The following TARBP1 variants were observed in gnomAD, a reference collection of about 807,000 sequenced individuals.
TARBP1 encodes the protein tRNA guanosine 2 -O-methyltransferase TARBP1.
TARBP1 carries 144 observed loss-of-function variants against 178.6 expected under a neutral mutation model. The ratio of observed to expected loss-of-function variants is 0.81; its 90% CI spans 0.70 to 0.93. The LOEUF is 0.93. TARBP1 is among the 40% of genes least tolerant of loss of function. The pLI is 0.00. For synonymous variants in TARBP1, 787 were observed against 781.0 expected, an observed-to-expected ratio of 1.01 and a Z score of -0.13; for missense variants, 2,067 against 2,011.7, an observed-to-expected ratio of 1.03 and a Z score of -0.53.
chr1:234,399,655 A>C (rs1249013109), intron 25 of TARBP1, among the ~76,000 whole-genome samples: 1 of 152,116 alleles, frequency 6.6e-6, no homozygotes, highest in Non-Finnish European at 1.5e-5. Context: ...ACAATGATAG[A>C]CTGGATTAAG....
chr1:234,419,320 G>A (rs1157761779), intron 21 of TARBP1, among the ~76,000 whole-genome samples: 1 of 152,162 alleles, frequency 6.6e-6, no homozygotes. Context: ...CCCTGAGATA[G>A]TGTCATAAAG....
chr1:234,430,183 A>T lies in TARBP1; in HGVS notation c.2513T>A (p.Leu838Gln). Reference sequence around the variant, plus strand: ...CTGAAGAGAGGAAAGGAAGCTTTCCAGGGGCCCAGCATGGAGAGAGTCCAG... The same window carrying T: ...CTGAAGAGAGGAAAGGAAGCTTTCCTGGGGCCCAGCATGGAGAGAGTCCAG... ...LQLDSLHAGP[L>Q]ESFLSSLQLN... Residue 838 changes from leucine to glutamine, a missense_variant, in exon 15 of 30, where the codon CTG becomes CAG. Coordinates refer to ENST00000040877, the MANE Select transcript of TARBP1 (RefSeq NM_005646.4). 6.2e-7 allele frequency: 1 copy of T among 1,614,220 alleles called. No homozygotes were observed. Among genetic ancestry groups the T allele is most frequent in the Non-Finnish European group, 8.5e-7 (1 of 1,180,034 alleles).
Position 234,448,584 on chromosome 1 carries a change from A to C in TARBP1, c.1862-5T>G. 6.2e-7 allele frequency: 1 copy of C among 1,612,440 alleles called. No homozygotes were observed. ...GCATAAAGCAGTTTTCTCCTGCTTA[A>C]ATAACAACAGTTAAGGTTTGCAAAG... On this transcript the variant is annotated splice_polypyrimidine_tract_variant and splice_region_variant and intron_variant, in intron 10 of 29. Transcript: ENST00000040877.
chr1:234,469,808 T>C (rs6698383), intron 3 of TARBP1, among the ~76,000 whole-genome samples: 8,653 of 152,302 alleles, frequency 0.057, 412 homozygotes, highest in African/African-American at 0.14. Flanking sequence ...GCTCTCATAA[T>C]ATAGTGATCA....
At chr1:234,469,077 T>TAAAAAACAAA (rs1668783630) in intron 3 of TARBP1, among the ~76,000 whole-genome samples, 1 of 63,764 alleles carries the variant, frequency 1.6e-5, no homozygotes, top group Non-Finnish European at 2.9e-5. Flanking sequence ...TTTTTTTTTT[T>TAAAAAACAAA]AAAAAAAAAA....
chr1:234,403,074 G>A (rs750949651), intron 24 of TARBP1, among the ~76,000 whole-genome samples: 9 of 151,892 alleles, frequency 5.9e-5, no homozygotes, highest in African/African-American at 1.9e-4. Context: ...GCTCACCTCC[G>A]ATCTGCTCTT....
chr1:234,411,433 T>C (rs1243747040), intron 22 of TARBP1, among the ~76,000 whole-genome samples: 1 of 152,190 alleles, frequency 6.6e-6, no homozygotes, highest in Non-Finnish European at 1.5e-5. Flanking sequence ...GCCAAGGGCA[T>C]GCTCACTTCA....
rs775225993 is a variant in TARBP1 at position 234,429,399 on chromosome 1, G to GTTT, written c.2871+14_2871+16dup. 1.9e-6 allele frequency: 3 copies of GTTT among 1,594,854 alleles called. No individual in the cohort carries two copies. The East Asian group carries it at 6.7e-5, about 36-fold the overall frequency. On this transcript the variant is annotated intron_variant, in intron 16 of 29. Transcript: ENST00000040877. ...CTCCTATAGTTACTGTTCAATTCAT[G>GTTT]TTTCACTCTATCTTACCTTGGGAAC...
intron 28 of TARBP1, 154 bp from the exon 29 acceptor site, chr1:234,392,706 T>G: frequency 2.0e-6 from 1 of 492,882 alleles, no homozygotes; most frequent in Non-Finnish European, 3.4e-6. Context: ...CAACATGACA[T>G]CAATTTCTTT....
intron 14 of TARBP1, among the ~76,000 whole-genome samples, chr1:234,431,375 T>C (rs889597510): frequency 6.6e-6 from 1 of 152,248 alleles, no homozygotes; most frequent in African/African-American, 2.4e-5. Flanking sequence ...TACTGTGGCA[T>C]GGTTCATGGT....
intron 9 of TARBP1, among the ~76,000 whole-genome samples, chr1:234,450,776 A>ATG (rs112162630): frequency 0.29 from 44,622 of 151,688 alleles, 6,693 homozygotes; most frequent in Admixed American, 0.4. Flanking sequence ...GCGTATATGT[A>ATG]TGTGTGATAT....
At chr1:234,411,302 A>C (rs1390166802) in intron 22 of TARBP1, among the ~76,000 whole-genome samples, 1 of 152,250 alleles carries the variant, frequency 6.6e-6, no homozygotes, top group Non-Finnish European at 1.5e-5. Context: ...GATACACATC[A>C]GTTATGTGCA....
chr1:234,419,645 A>G (rs1164218444), intron 21 of TARBP1, among the ~76,000 whole-genome samples: 1 of 152,102 alleles, frequency 6.6e-6, no homozygotes, highest in African/African-American at 2.4e-5. Flanking sequence ...CCATTCTAAG[A>G]AAAAAATGCT....
intron 9 of TARBP1, among the ~76,000 whole-genome samples, 177 bp from the exon 10 acceptor site, chr1:234,450,743 T>C (rs1666663614): frequency 6.6e-6 from 1 of 151,778 alleles, no homozygotes; most frequent in Non-Finnish European, 1.5e-5. Context: ...ACAAAAAAAC[T>C]ATGTGTATAT....
At chr1:234,432,475 T>C (rs1296126104) in intron 14 of TARBP1, among the ~76,000 whole-genome samples, 4 of 152,042 alleles carry the variant, frequency 2.6e-5, no homozygotes, top group Admixed American at 1.3e-4. Flanking sequence ...TATATATGCA[T>C]ACATTACTCC....
intron 12 of TARBP1, among the ~76,000 whole-genome samples, chr1:234,446,322 T>A (rs944997088): frequency 6.6e-6 from 1 of 152,176 alleles, no homozygotes; most frequent in African/African-American, 2.4e-5. Context: ...CTGTGAAGTA[T>A]TTTCTACTTA....
chr1:234,394,892 C>A (rs971239424), intron 26 of TARBP1, among the ~76,000 whole-genome samples: 4 of 151,786 alleles, frequency 2.6e-5, no homozygotes, highest in Non-Finnish European at 5.9e-5. Context: ...GAGTTTGAGA[C>A]CAGCCTGGCC....
intron 12 of TARBP1, among the ~76,000 whole-genome samples, chr1:234,442,203 C>A (rs773723523): frequency 2.6e-5 from 4 of 152,132 alleles, no homozygotes; most frequent in Non-Finnish European, 4.4e-5. Flanking sequence ...GTCGTAATAC[C>A]TACTGCACGA....
intron 5 of TARBP1, 50 bp downstream of exon 5, chr1:234,465,606 T>C (rs1203260457): frequency 4.1e-6 from 6 of 1,480,960 alleles, no homozygotes; most frequent in South Asian, 2.8e-5. Flanking sequence ...GTCATGTCTC[T>C]TAACATGAAA....
Sources: allele counts gnomAD v4.1 joint callset (sites outside exome capture counted in the v4.1 genomes callset), GRCh38; gene constraint gnomAD v4.1.1; transcripts MANE v1.5; gene names NCBI Gene and HGNC (gene_info 2026-07-23, HGNC 2026-07-21).